The following ITPR2 variants were observed in gnomAD, a reference collection of about 807,000 sequenced individuals.
ITPR2 encodes the protein inositol 1,4,5-trisphosphate-gated calcium channel ITPR2.
In ITPR2, 207 loss-of-function variants were observed where a neutral mutation model predicts 317.1. The observed-to-expected ratio is 0.65, with a 90% CI of 0.58 to 0.73. ITPR2 has a LOEUF of 0.73. Ranked by LOEUF, ITPR2 falls within the 30% of genes least tolerant of loss-of-function variation. The probability of loss-of-function intolerance (pLI) is 0.00; values close to 1 mark genes in which losing one functional copy is unlikely to be tolerated. For missense variants in ITPR2, 2,613 were observed against 3,284.0 expected, an observed-to-expected ratio of 0.80 and a Z score of 4.99; for synonymous variants, 1,156 against 1,149.1, an observed-to-expected ratio of 1.01 and a Z score of -0.12.
intron 45 of ITPR2, among the ~76,000 whole-genome samples, chr12:26,463,338 A>G (rs548159611): frequency 3.0e-4 from 45 of 152,134 alleles, no homozygotes; most frequent in Non-Finnish European, 5.4e-4. Flanking sequence ...CAGAATCATT[A>G]CAGTCTCATT....
At chr12:26,582,959 G>A (rs1210900519) in intron 32 of ITPR2, among the ~76,000 whole-genome samples, 1 of 151,988 alleles carries the variant, frequency 6.6e-6, no homozygotes, top group East Asian at 1.9e-4. Context: ...CCCTCTCCTT[G>A]TAGGGGCTTC....
intron 26 of ITPR2, among the ~76,000 whole-genome samples, chr12:26,613,340 T>C (rs1464653510): frequency 3.3e-5 from 5 of 152,176 alleles, no homozygotes; most frequent in African/African-American, 1.2e-4. Context: ...TTGTTAAGAA[T>C]GGTCAAACAG....
intron 21 of ITPR2, among the ~76,000 whole-genome samples, chr12:26,640,947 T>G (rs899289397): frequency 6.6e-6 from 1 of 152,200 alleles, no homozygotes; most frequent in African/African-American, 2.4e-5. Flanking sequence ...GATGTCTAAC[T>G]CAGATTATGA....
At chr12:26,530,690 T>A (rs1943922824) in intron 37 of ITPR2, among the ~76,000 whole-genome samples, 1 of 152,208 alleles carries the variant, frequency 6.6e-6, no homozygotes. Context: ...TTAAATACTA[T>A]GGATGTGGTT....
chr12:26,832,824 G>T lies in ITPR2; in HGVS notation c.-43C>A. On this transcript the variant is annotated 5_prime_UTR_variant, in exon 1 of 57. Coordinates refer to ENST00000381340, the MANE Select transcript of ITPR2 (RefSeq NM_002223.4). ...AGTGGACGTCCCTCTTCTTCCCTGCGCCCTCGCCGCCCTCTCTCCAGGGAG... is the reference window on the plus strand; with the variant it reads ...AGTGGACGTCCCTCTTCTTCCCTGCTCCCTCGCCGCCCTCTCTCCAGGGAG... 1 of 1,429,588 alleles carries T rather than the reference G, an allele frequency of 7.0e-7. No individual in the cohort carries two copies. The highest frequency in any genetic ancestry group is 9.8e-7 in the Non-Finnish European group (1 of 1,022,954). 88.6% of individuals were successfully genotyped at this position (1,429,588 alleles called of 1,614,324 possible).
At chr12:26,383,138 C>T (rs1939558179) in intron 55 of ITPR2, among the ~76,000 whole-genome samples, 1 of 152,132 alleles carries the variant, frequency 6.6e-6, no homozygotes, top group Non-Finnish European at 1.5e-5. Flanking sequence ...CTTCCCTCCC[C>T]TCTCTCTCGT....
chr12:26,724,569 C>T, intron 4 of ITPR2, 87 bp downstream of exon 4: 1 of 777,960 alleles, frequency 1.3e-6, no homozygotes. Context: ...TCCTGTATCT[C>T]AAAATTTTAA....
intron 32 of ITPR2, 44 bp from the exon 33 acceptor site, chr12:26,580,199 TA>T: frequency 6.3e-7 from 1 of 1,580,788 alleles, no homozygotes; most frequent in Non-Finnish European, 8.6e-7. Context: ...ATCACATTTT[TA>T]AACCACAATT....
At chr12:26,405,326 A>G (rs1940314648) in intron 52 of ITPR2, among the ~76,000 whole-genome samples, 1 of 152,336 alleles carries the variant, frequency 6.6e-6, no homozygotes, top group African/African-American at 2.4e-5. Flanking sequence ...CATTCTAGCT[A>G]TCATAATTAT....
rs562276408 is a variant in ITPR2, at chr12:26,737,872, C to T, written c.164-12107G>A. 8.5e-5 allele frequency among the ~76,000 whole-genome samples: 13 copies of T among 152,230 alleles called. No homozygotes were observed. The South Asian group carries it at 1.5e-3, about 17-fold the overall frequency. ...CAGTTGTGTTTATATTTTGCAGTATCGGAAGCATGATGCTCGCTGTGGTAT... is the reference window on the plus strand; with the variant it reads ...CAGTTGTGTTTATATTTTGCAGTATTGGAAGCATGATGCTCGCTGTGGTAT... On this transcript the variant is annotated intron_variant, in intron 2 of 56. Coordinates refer to ENST00000381340, the MANE Select transcript of ITPR2 (RefSeq NM_002223.4).
intron 36 of ITPR2, 77 bp from the exon 37 acceptor site, chr12:26,550,432 G>A: frequency 3.0e-6 from 2 of 675,810 alleles, no homozygotes; most frequent in East Asian, 2.9e-5. Context: ...AGGCCATAGG[G>A]GAAAAAATTT....
chr12:26,694,211 C>T (rs1948292743), intron 10 of ITPR2, among the ~76,000 whole-genome samples: 1 of 152,112 alleles, frequency 6.6e-6, no homozygotes. Flanking sequence ...TGTGATGGAT[C>T]AAGACAAAAC....
intron 21 of ITPR2, among the ~76,000 whole-genome samples, chr12:26,651,178 G>C (rs928991068): frequency 1.3e-5 from 2 of 152,114 alleles, no homozygotes; most frequent in Non-Finnish European, 2.9e-5. Flanking sequence ...TACTCATTCT[G>C]TTCCATTTTC....
At chr12:26,795,474 G>C (rs1167687355) in intron 1 of ITPR2, among the ~76,000 whole-genome samples, 1 of 151,678 alleles carries the variant, frequency 6.6e-6, no homozygotes, top group East Asian at 1.9e-4. Context: ...CAATATAAAG[G>C]ACAAAACGTA....
At chr12:26,707,499 C>T (rs1378053954) in intron 9 of ITPR2, among the ~76,000 whole-genome samples, 1 of 152,130 alleles carries the variant, frequency 6.6e-6, no homozygotes, top group Non-Finnish European at 1.5e-5. Context: ...AACGACATGA[C>T]TAATGCTTTG....
intron 37 of ITPR2, among the ~76,000 whole-genome samples, chr12:26,545,917 A>G (rs1591882559): frequency 1.3e-5 from 2 of 152,308 alleles, no homozygotes; most frequent in East Asian, 3.9e-4. Context: ...CAATATGCTT[A>G]TCTTTAAGAT....
chr12:26,645,661 CGG>C (rs1468740383), intron 21 of ITPR2, among the ~76,000 whole-genome samples: 1 of 152,168 alleles, frequency 6.6e-6, no homozygotes, highest in East Asian at 1.9e-4. Flanking sequence ...AAGTGATAAA[CGG>C]TAATTGGTTG....
At chr12:26,744,435 C>T (rs1436355378) in intron 2 of ITPR2, among the ~76,000 whole-genome samples, 1 of 152,206 alleles carries the variant, frequency 6.6e-6, no homozygotes, top group East Asian at 1.9e-4. Flanking sequence ...CTCAGGCCTC[C>T]GCTCAAGTAT....
intron 55 of ITPR2, among the ~76,000 whole-genome samples, chr12:26,362,492 A>G (rs1024733156): frequency 6.6e-6 from 1 of 152,198 alleles, no homozygotes; most frequent in Admixed American, 6.5e-5. Context: ...GTAGATGCAT[A>G]CATGCAAGAA....
Sources: gnomAD v4.1 joint callset for allele counts (sites outside exome capture counted in the v4.1 genomes callset) on GRCh38, gnomAD v4.1.1 for gene constraint, MANE v1.5 for transcripts, NCBI Gene and HGNC (gene_info 2026-07-23, HGNC 2026-07-21) for gene names.